RTL4: variants seen among roughly 807,000 people sequenced by gnomAD.
RTL4 encodes the protein retrotransposon Gag like 4, also known as retrotransposon Gag-like protein 4.
RTL4 carries 4 observed loss-of-function variants against 5.3 expected under a neutral mutation model. The observed-to-expected ratio is 0.75, with a 90% confidence interval of 0.37 to 1.72. RTL4 has a LOEUF of 1.72. RTL4 is among the 40% of genes most tolerant of loss of function. The probability of loss-of-function intolerance (pLI) is 0.04; values close to 1 mark genes in which losing one functional copy is unlikely to be tolerated. For synonymous variants in RTL4, 98 were observed against 87.3 expected, an observed-to-expected ratio of 1.12 and a Z score of -0.68; for missense variants, 260 against 227.1, an observed-to-expected ratio of 1.14 and a Z score of -0.93.
the RTL4 span, among the ~76,000 whole-genome samples, chrX:112,093,059 C>T: frequency 9.0e-6 from 1 of 111,109 alleles, no homozygotes; most frequent in Non-Finnish European, 1.9e-5. Context: ...TAGTCAGTCC[C>T]CCACTCCCAT....
At chrX:112,310,866 C>G in the RTL4 span, among the ~76,000 whole-genome samples, 2 of 87,140 alleles carry the variant, frequency 2.3e-5, no homozygotes, top group Non-Finnish European at 4.3e-5. Context: ...TATATATTTA[C>G]ATATATATAA....
the RTL4 span, among the ~76,000 whole-genome samples, chrX:112,381,091 G>C: frequency 9.0e-5 from 10 of 111,287 alleles, no homozygotes; most frequent in African/African-American, 3.3e-4. Context: ...TTGCTGGGCA[G>C]CACCGAGACC....
chrX:112,211,136 T>A, the RTL4 span, among the ~76,000 whole-genome samples: 2 of 112,120 alleles, frequency 1.8e-5, no homozygotes, highest in African/African-American at 6.5e-5. Flanking sequence ...GAAATAGAAC[T>A]TGGTAAAATG....
chrX:112,185,848 A>G, the RTL4 span, among the ~76,000 whole-genome samples: 8 of 110,914 alleles, frequency 7.2e-5, no homozygotes, highest in Non-Finnish European at 1.3e-4. Context: ...ACTATAGTTT[A>G]TAGATAGTAA....
the RTL4 span, among the ~76,000 whole-genome samples, chrX:112,114,575 A>T: frequency 9.0e-6 from 1 of 111,502 alleles, no homozygotes; most frequent in Non-Finnish European, 1.9e-5. Flanking sequence ...AGAGAGAGAG[A>T]AGGGGACATG....
At chrX:112,195,712 A>G in the RTL4 span, among the ~76,000 whole-genome samples, 2 of 111,490 alleles carry the variant, frequency 1.8e-5, no homozygotes, top group Admixed American at 1.9e-4. Context: ...CCCCACAGTA[A>G]CTGTATTAAT....
the RTL4 span, among the ~76,000 whole-genome samples, chrX:112,323,462 A>T: frequency 1.8e-4 from 20 of 108,823 alleles, no homozygotes; most frequent in Non-Finnish European, 2.9e-4. Context: ...GAAGTTTTGA[A>T]TTTTATTTTA....
At chrX:112,445,452 A>C in the RTL4 span, among the ~76,000 whole-genome samples, 4,275 of 111,879 alleles carry the variant, frequency 0.038, 104 homozygotes, top group Middle Eastern at 0.093. Context: ...TTCTTCCCAA[A>C]CTTATAAGAA....
At chrX:112,235,799 C>T in the RTL4 span, among the ~76,000 whole-genome samples, 1 of 111,850 alleles carries the variant, frequency 8.9e-6, no homozygotes, top group Admixed American at 9.5e-5. Flanking sequence ...GGCAAGGATT[C>T]TGACTGTTCC....
the RTL4 span, among the ~76,000 whole-genome samples, chrX:112,084,873 G>A: frequency 2.7e-5 from 3 of 111,719 alleles, no homozygotes; most frequent in Non-Finnish European, 5.6e-5. Flanking sequence ...CTTTCCCAGT[G>A]GACTGTGGAT....
At chrX:112,373,253 C>T in the RTL4 span, among the ~76,000 whole-genome samples, 27 of 111,533 alleles carry the variant, frequency 2.4e-4, no homozygotes, top group Non-Finnish European at 4.3e-4. Context: ...AATTTACACT[C>T]CCACCAGTAG....
At chrX:112,409,634 T>C in the RTL4 span, among the ~76,000 whole-genome samples, 3 of 108,181 alleles carry the variant, frequency 2.8e-5, no homozygotes, top group Non-Finnish European at 5.7e-5. Flanking sequence ...GGCAGGAGAA[T>C]CACTTGAACC....
the RTL4 span, among the ~76,000 whole-genome samples, chrX:112,350,862 T>C: frequency 9.0e-6 from 1 of 111,453 alleles, no homozygotes; most frequent in Non-Finnish European, 1.9e-5. Flanking sequence ...GTGTCTCTAT[T>C]TCCTTCAGTT....
the RTL4 span, among the ~76,000 whole-genome samples, chrX:112,124,838 C>T: frequency 9.0e-6 from 1 of 111,616 alleles, no homozygotes; most frequent in Non-Finnish European, 1.9e-5. Flanking sequence ...TCAGTATTTT[C>T]TGTCAATTAT....
At chrX:112,220,617 G>A in the RTL4 span, among the ~76,000 whole-genome samples, 1 of 112,600 alleles carries the variant, frequency 8.9e-6, no homozygotes, top group Non-Finnish European at 1.9e-5. Context: ...TGCATTGTCA[G>A]GCTGCAAGTT....
the RTL4 span, among the ~76,000 whole-genome samples, chrX:112,192,304 A>C: frequency 9.1e-6 from 1 of 110,465 alleles, no homozygotes; most frequent in South Asian, 3.8e-4. Context: ...GTTGAGTAGA[A>C]ATGATGAGAC....
the RTL4 span, among the ~76,000 whole-genome samples, chrX:112,419,611 G>GTATATATATATTTACATATGTATATGTA: frequency 4.6e-4 from 16 of 34,713 alleles, 1 homozygote; most frequent in South Asian, 3.4e-3. Flanking sequence ...ATATGTATAT[G>GTATATATATATTTACATATGTATATGTA]TATATATATA....
chrX:112,265,445 G>A, the RTL4 span, among the ~76,000 whole-genome samples: 2 of 111,918 alleles, frequency 1.8e-5, no homozygotes, highest in Non-Finnish European at 3.8e-5. Flanking sequence ...TTTTCCTCCT[G>A]TTAAAACAAC....
chrX:112,292,304 T>C, the RTL4 span, among the ~76,000 whole-genome samples: 2,225 of 111,764 alleles, frequency 0.02, 68 homozygotes, highest in African/African-American at 0.067. Context: ...AGAAGACCTT[T>C]AGTTGTGCTT....
Sources: gnomAD v4.1 joint callset for allele counts (sites outside exome capture counted in the v4.1 genomes callset) on GRCh38, gnomAD v4.1.1 for gene constraint, MANE v1.5 for transcripts, NCBI Gene and HGNC (gene_info 2026-07-23, HGNC 2026-07-21) for gene names.